VTI1A: variants seen among roughly 807,000 people sequenced by gnomAD.
VTI1A encodes the protein vesicle transport through interaction with t-SNAREs 1A, also known as vesicle transport through interaction with t-SNAREs homolog 1A.
In VTI1A, 22 loss-of-function variants were observed where a neutral mutation model predicts 34.9. That is an observed-to-expected ratio of 0.63 (90% CI 0.45 to 0.90). The LOEUF is 0.90. Among genes scored for constraint, VTI1A ranks in the 40% least tolerant of loss-of-function variants. The pLI is 0.00. For synonymous variants in VTI1A, 87 were observed against 97.3 expected, an observed-to-expected ratio of 0.89 and a Z score of 0.62; for missense variants, 268 against 275.6, an observed-to-expected ratio of 0.97 and a Z score of 0.20.
At chr10:112,584,621 T>G (rs1186062529) in intron 5 of VTI1A, among the ~76,000 whole-genome samples, 1 of 152,240 alleles carries the variant, frequency 6.6e-6, no homozygotes, top group Non-Finnish European at 1.5e-5. Context: ...ATTCAAATTG[T>G]GACCGACAAC....
At chr10:112,619,763 A>G (rs138720667) in intron 5 of VTI1A, among the ~76,000 whole-genome samples, 2 of 152,114 alleles carry the variant, frequency 1.3e-5, no homozygotes, top group East Asian at 1.9e-4. Context: ...TAAAATGTAC[A>G]TGGATCTTTC....
At chr10:112,556,709 G>C (rs1851556212) in intron 5 of VTI1A, among the ~76,000 whole-genome samples, 1 of 151,912 alleles carries the variant, frequency 6.6e-6, no homozygotes, top group Non-Finnish European at 1.5e-5. Context: ...AATTGTTTTA[G>C]AGGGCTCAAT....
At chr10:112,763,864 G>T (rs1234381643) in intron 7 of VTI1A, among the ~76,000 whole-genome samples, 1 of 152,076 alleles carries the variant, frequency 6.6e-6, no homozygotes, top group African/African-American at 2.4e-5. Flanking sequence ...GTGGTAAACT[G>T]GGTGCCAATC....
chr10:112,569,221 C>G lies in VTI1A; in HGVS notation c.427+30891C>G, dbSNP rs556125687. Among the ~76,000 whole-genome samples, 19 of 152,088 alleles carry G rather than the reference C, an allele frequency of 1.2e-4. No homozygotes were observed. In the East Asian group the frequency reaches 2.9e-3, roughly 23 times the overall value. On this transcript the variant is annotated intron_variant, in intron 5 of 7. Coordinates refer to ENST00000393077, the MANE Select transcript of VTI1A (RefSeq NM_145206.4). ...GTTAATTGTGTGCCTTCTAGAAACC[C>G]TAATGATAAATTTGCTGAGAAGGCG...
intron 7 of VTI1A, among the ~76,000 whole-genome samples, chr10:112,809,968 A>G (rs986960856): frequency 2.0e-5 from 3 of 152,212 alleles, no homozygotes; most frequent in Non-Finnish European, 2.9e-5. Flanking sequence ...TTTTGGAATC[A>G]GGGTGACTCA....
intron 7 of VTI1A, among the ~76,000 whole-genome samples, chr10:112,680,276 T>A (rs1425931382): frequency 6.6e-6 from 1 of 152,186 alleles, no homozygotes; most frequent in Non-Finnish European, 1.5e-5. Context: ...TGGGACCTTA[T>A]GGTTTGTAAG....
intron 7 of VTI1A, among the ~76,000 whole-genome samples, chr10:112,740,928 G>A (rs937307721): frequency 6.6e-6 from 1 of 152,148 alleles, no homozygotes; most frequent in African/African-American, 2.4e-5. Context: ...CAACCCAAAT[G>A]TCCAGCAACT....
At chr10:112,733,773 A>G (rs7919680) in intron 7 of VTI1A, among the ~76,000 whole-genome samples, 1,761 of 148,960 alleles carry the variant, frequency 0.012, 61 homozygotes, top group African/African-American at 0.034. Context: ...ATTTTATTTT[A>G]AGAGAGAGTT....
chr10:112,471,509 G>A (rs996986685), intron 3 of VTI1A, among the ~76,000 whole-genome samples: 1 of 151,724 alleles, frequency 6.6e-6, no homozygotes, highest in Non-Finnish European at 1.5e-5. Flanking sequence ...AAGAAATGGA[G>A]GACTGAGGAG....
chr10:112,699,740 A>C (rs550747958), intron 7 of VTI1A, among the ~76,000 whole-genome samples: 2 of 151,796 alleles, frequency 1.3e-5, no homozygotes, highest in South Asian at 4.2e-4. Context: ...CTGAGGCAGA[A>C]TCGCTTGAAC....
chr10:112,829,471 C>T, the VTI1A span, among the ~76,000 whole-genome samples: 18 of 145,412 alleles, frequency 1.2e-4, no homozygotes, highest in East Asian at 1.6e-3. Flanking sequence ...TATTGATTGG[C>T]TGGGCACGGT....
intron 3 of VTI1A, among the ~76,000 whole-genome samples, chr10:112,496,788 T>G (rs1849041086): frequency 1.3e-5 from 2 of 152,182 alleles, no homozygotes; most frequent in African/African-American, 4.8e-5. Context: ...GAACACAAGT[T>G]TACTCTGAAT....
intron 7 of VTI1A, among the ~76,000 whole-genome samples, chr10:112,681,371 G>C (rs563629654): frequency 6.6e-6 from 1 of 152,106 alleles, no homozygotes; most frequent in Non-Finnish European, 1.5e-5. Context: ...ATGAACCACT[G>C]TGCCCAGCCA....
rs575356390 is a variant in VTI1A, at chr10:112,692,611, A to G, written c.560+23613A>G. ...GGGCATACCTACCTGCCTAACACCT[A>G]TATTATTTTTCCTTTAAATTGGCAC... On this transcript the variant is annotated intron_variant, in intron 7 of 7. Transcript: ENST00000393077. Among the ~76,000 whole-genome samples the G allele has an allele frequency of 1.2e-4, 19 of 152,266 alleles. 1 individual carries two copies. The highest frequency in any genetic ancestry group is 3.4e-3 in the Middle Eastern group (1 of 294).
At position 112,627,904 on chromosome 10, in the gene VTI1A, G is replaced by C. The variant is rs188349107; in HGVS notation, c.428-40314G>C. On this transcript the variant is annotated intron_variant, in intron 5 of 7. Coordinates refer to ENST00000393077, the MANE Select transcript of VTI1A (RefSeq NM_145206.4). ...ATAAAAGGATAGATAATTCCAGGGG[G>C]TTCTACTTGACCTATGATGGTCAGG... Among the ~76,000 whole-genome samples, 8 of 152,198 alleles carry C rather than the reference G, an allele frequency of 5.3e-5. No homozygotes were observed. In the East Asian group the frequency reaches 1.5e-3, roughly 29 times the overall value.
At chr10:112,561,914 C>G (rs751384978) in intron 5 of VTI1A, among the ~76,000 whole-genome samples, 2 of 152,142 alleles carry the variant, frequency 1.3e-5, no homozygotes, top group Non-Finnish European at 2.9e-5. Context: ...CTTTTATCAT[C>G]AACATTTCAC....
At chr10:112,577,510 A>G (rs1279641327) in intron 5 of VTI1A, among the ~76,000 whole-genome samples, 2 of 152,228 alleles carry the variant, frequency 1.3e-5, no homozygotes, top group African/African-American at 4.8e-5. Flanking sequence ...AGGTTGAAGA[A>G]GAAGATAACA....
rs967209617 is a variant in VTI1A at position 112,752,386 on chromosome 10, C to T, written c.561-62904C>T. On this transcript the variant is annotated intron_variant, in intron 7 of 7. Transcript: ENST00000393077. ...TATTCTGATTACATTATCGACTAGTCTGAAGCAGAGCTGATATCTCTTTAC... is the reference window on the plus strand; with the variant it reads ...TATTCTGATTACATTATCGACTAGTTTGAAGCAGAGCTGATATCTCTTTAC... 2.6e-5 allele frequency: 26 copies of T among 985,294 alleles called. No individual in the cohort carries two copies. The Admixed American group carries it at 3.7e-4, about 14-fold the overall frequency. 61.0% of individuals were successfully genotyped at this position (985,294 alleles called of 1,614,324 possible). A position where few individuals can be genotyped will look rare whatever the true frequency, so the allele number is the denominator to read the frequency against.
At chr10:112,555,169 T>A (rs1217557198) in intron 5 of VTI1A, among the ~76,000 whole-genome samples, 1 of 152,134 alleles carries the variant, frequency 6.6e-6, no homozygotes, top group African/African-American at 2.4e-5. Flanking sequence ...TAAAAAAGAA[T>A]TTTCTCTATA....
Sources: gnomAD v4.1 joint callset for allele counts (sites outside exome capture counted in the v4.1 genomes callset) on GRCh38, gnomAD v4.1.1 for gene constraint, MANE v1.5 for transcripts, NCBI Gene and HGNC (gene_info 2026-07-23, HGNC 2026-07-21) for gene names.